The following TMEM174 variants were observed in gnomAD, a reference collection of about 807,000 sequenced individuals.
The protein encoded by TMEM174 is transmembrane protein 174.
In TMEM174, 11 loss-of-function variants were observed where a neutral mutation model predicts 15.1. The ratio of observed to expected loss-of-function variants is 0.73; its 90% CI spans 0.46 to 1.20. The LOEUF is 1.20. Among genes scored for constraint, TMEM174 ranks in the 50% most tolerant of loss-of-function variants. The pLI is 0.00. For synonymous variants in TMEM174, 130 were observed against 121.3 expected, an observed-to-expected ratio of 1.07 and a Z score of -0.47; for missense variants, 321 against 303.6, an observed-to-expected ratio of 1.06 and a Z score of -0.43.
Position 73,175,108 on chromosome 5 carries a change from T to G in TMEM174, c.*943T>G, listed in dbSNP as rs1580258190. On this transcript the variant is annotated 3_prime_UTR_variant, in exon 2 of 2. Transcript: ENST00000296776. ...AACAATCTTTATGACTAAAAGAAAC[T>G]CATCTTCTTCATTAAAAAAACTTTG... 6.6e-6 allele frequency: 1 copy of G among 152,328 alleles called. No homozygotes were observed. The highest frequency in any genetic ancestry group is 1.9e-4 in the East Asian group (1 of 5,310). The allele number at this position is 152,328 out of a possible 1,614,324, so 9.4% of individuals were successfully genotyped here.
rs1032693506 is a variant in TMEM174 at position 73,174,238 on chromosome 5, G to T, written c.*73G>T. 2 of 1,424,946 alleles carry T rather than the reference G, an allele frequency of 1.4e-6. No individual in the cohort carries two copies. The highest frequency in any genetic ancestry group is 3.4e-5 in the Admixed American group (2 of 58,994). 88.3% of individuals were successfully genotyped at this position (1,424,946 alleles called of 1,614,324 possible). A position where few individuals can be genotyped will look rare whatever the true frequency, so the allele number is the denominator to read the frequency against. On this transcript the variant is annotated 3_prime_UTR_variant, in exon 2 of 2. Coordinates refer to ENST00000296776, the MANE Select transcript of TMEM174 (RefSeq NM_153217.3). Reference sequence around the variant, plus strand: ...TTTCCGTCATTGTTACCTGACAACCGTGGTGTTCTATGTTGTAACCTTCAG... The same window carrying T: ...TTTCCGTCATTGTTACCTGACAACCTTGGTGTTCTATGTTGTAACCTTCAG...
At position 73,173,351 on chromosome 5, in the gene TMEM174, G is replaced by T; in HGVS notation, c.108G>T (p.Ala36=). Residue 36 remains alanine, a synonymous_variant, in exon 1 of 2, where the codon GCG becomes GCT. Transcript: ENST00000296776. ...TCCAGGTGTCCGATGATGACAAGGC[G>T]GGGGCCACCTTGCTCTTCTCAGGCA... ...ADIQVSDDDK[A]GATLLFSGIF... 1 of 1,605,240 alleles carries T rather than the reference G, an allele frequency of 6.2e-7. No individual in the cohort carries two copies. Among genetic ancestry groups the T allele is most frequent in the Non-Finnish European group, 8.5e-7 (1 of 1,174,112 alleles).
chr5:73,173,356 C>T lies in TMEM174; in HGVS notation c.113C>T (p.Ala38Val). 1 of 1,606,282 alleles carries T rather than the reference C, an allele frequency of 6.2e-7. No individual in the cohort carries two copies. The highest frequency in any genetic ancestry group is 8.5e-7 in the Non-Finnish European group (1 of 1,174,628). Reference sequence around the variant, plus strand: ...GTGTCCGATGATGACAAGGCGGGGGCCACCTTGCTCTTCTCAGGCATCTTT... The same window carrying T: ...GTGTCCGATGATGACAAGGCGGGGGTCACCTTGCTCTTCTCAGGCATCTTT... ...IQVSDDDKAG[A>V]TLLFSGIFLG... Residue 38 changes from alanine (A) to valine (V), a missense_variant, in exon 1 of 2, where the codon GCC (alanine) becomes GTC (valine). Ala to Val is a moderately conservative substitution (Grantham distance 64, BLOSUM62 0). Coordinates refer to ENST00000296776, the MANE Select transcript of TMEM174 (RefSeq NM_153217.3).
chr5:73,173,358 A>G lies in TMEM174; in HGVS notation c.115A>G (p.Thr39Ala), dbSNP rs1745009478. 6.2e-7 allele frequency: 1 copy of G among 1,608,232 alleles called. No homozygotes were observed. Among genetic ancestry groups the G allele is most frequent in the Non-Finnish European group, 8.5e-7 (1 of 1,175,804 alleles). ...QVSDDDKAGA[T>A]LLFSGIFLGL... ...GTCCGATGATGACAAGGCGGGGGCCACCTTGCTCTTCTCAGGCATCTTTCT... is the reference window on the plus strand; with the variant it reads ...GTCCGATGATGACAAGGCGGGGGCCGCCTTGCTCTTCTCAGGCATCTTTCT... Residue 39 changes from threonine (T) to alanine (A), a missense_variant, in exon 1 of 2, where the codon ACC becomes GCC. By Grantham distance (58) the Thr-to-Ala change is moderately conservative. Transcript: ENST00000296776.
Position 73,174,188 on chromosome 5 carries a change from C to A in TMEM174, c.*23C>A. On this transcript the variant is annotated 3_prime_UTR_variant, in exon 2 of 2. Transcript: ENST00000296776. ...TAGAGGCTATTCTGATATAATAACA[C>A]AATGCTCAGCTCAGGGAGCAAGTGT... is the stretch of plus-strand genomic sequence containing the variant. 6.3e-7 allele frequency: 1 copy of A among 1,598,218 alleles called. No homozygotes were observed. The highest frequency in any genetic ancestry group is 8.6e-7 in the Non-Finnish European group (1 of 1,165,578).
chr5:73,174,148 T>C lies in TMEM174; in HGVS notation c.715T>C (p.Tyr239His). The change falls in exon 2 of 2, where the codon TAC becomes CAC. Residue 239 changes from tyrosine (Y) to histidine (H), a missense_variant. Transcript: ENST00000296776. Reference sequence around the variant, plus strand: ...CTCTCCTCCCCCTTATGAAGAAATATACTCTCTCCCTCGCTAGAGGCTATT... The same window carrying C: ...CTCTCCTCCCCCTTATGAAGAAATACACTCTCTCCCTCGCTAGAGGCTATT... ...CFSPPPYEEI[Y>H]SLPR The C allele has an allele frequency of 6.2e-7, 1 of 1,614,078 alleles. No individual in the cohort carries two copies. The highest frequency in any genetic ancestry group is 8.5e-7 in the Non-Finnish European group (1 of 1,179,938).
chr5:73,173,223 A>G lies in TMEM174; in HGVS notation c.-21A>G, dbSNP rs1476332732. On this transcript the variant is annotated 5_prime_UTR_variant, in exon 1 of 2. Transcript: ENST00000296776. The stretch of plus-strand genomic sequence containing the variant: ...CACAATCCTCTCCACTCTAAGAAGC[A>G]GGGTGAGCCCACAAGGAGCAATGGA... 1 of 1,517,452 alleles carries G rather than the reference A, an allele frequency of 6.6e-7. No individual in the cohort carries two copies. Among genetic ancestry groups the G allele is most frequent in the Non-Finnish European group, 8.8e-7 (1 of 1,134,530 alleles). 94.0% of individuals were successfully genotyped at this position (1,517,452 alleles called of 1,614,324 possible).
Position 73,173,866 on chromosome 5 carries a change from A to C in TMEM174, c.623A>C (p.His208Pro), listed in dbSNP as rs753010919. The change falls in exon 1 of 2, where the codon CAC becomes CCC. Residue 208 changes from histidine (H) to proline (P), a missense_variant. Physicochemically the swap from His to Pro is moderately conservative, Grantham distance 77 (BLOSUM62 -2). Transcript: ENST00000296776. ...CTTTCTTTCACGGACGGTGGAAATC[A>C]CAGGTATGGCGTGTCTACTGGGGGA... ...GCLSFTDGGN[H>P]RPNPDVDQLE... The C allele has an allele frequency of 6.2e-7, 1 of 1,611,138 alleles. No individual in the cohort carries two copies. The highest frequency in any genetic ancestry group is 8.5e-7 in the Non-Finnish European group (1 of 1,178,024).
rs1408378353 is a variant in TMEM174 at position 73,173,631 on chromosome 5, A to T, written c.388A>T (p.Thr130Ser). The change falls in exon 1 of 2, where the codon ACC (threonine) becomes TCC (serine). Residue 130 changes from threonine (T) to serine (S), a missense_variant. Transcript: ENST00000296776. ...FVFTGINQPI[T>S]FHGATVVQYI... ...TTTCACTGGCATCAACCAACCCATCACCTTCCATGGGGCCACTGTGGTGCA... is the reference window on the plus strand; with the variant it reads ...TTTCACTGGCATCAACCAACCCATCTCCTTCCATGGGGCCACTGTGGTGCA... The T allele has an allele frequency of 6.2e-7, 1 of 1,613,996 alleles. No individual in the cohort carries two copies. Among genetic ancestry groups the T allele is most frequent in the Non-Finnish European group, 8.5e-7 (1 of 1,180,002 alleles).
In TMEM174 at chr5:73,174,528, C is replaced by T. The variant is rs746869066; in HGVS notation, c.*363C>T. On this transcript the variant is annotated 3_prime_UTR_variant, in exon 2 of 2. Transcript: ENST00000296776. ...ACCCCAGCAGCCAATGGAAAAATCA[C>T]GACTTCTGAGACTTTGGGAGTTTCC... The T allele has an allele frequency of 3.3e-5, 6 of 179,136 alleles. No homozygotes were observed. The highest frequency in any genetic ancestry group is 1.4e-4 in the South Asian group (1 of 7,036). The allele number at this position is 179,136 out of a possible 1,614,324, so 11.1% of individuals were successfully genotyped here. A position where few individuals can be genotyped will look rare whatever the true frequency, so the allele number is the denominator to read the frequency against.
At position 73,173,729 on chromosome 5, in the gene TMEM174, C is replaced by A; in HGVS notation, c.486C>A (p.Ser162Arg). The A allele has an allele frequency of 6.2e-7, 1 of 1,614,186 alleles. No individual in the cohort carries two copies. Among genetic ancestry groups the A allele is most frequent in the South Asian group, 1.1e-5 (1 of 91,084 alleles). The change falls in exon 1 of 2, where the codon AGC becomes AGA. Residue 162 changes from serine to arginine, a missense_variant. Coordinates refer to ENST00000296776, the MANE Select transcript of TMEM174 (RefSeq NM_153217.3). ...CCAGCTACCTGCAGTCTGTGGTGAG[C>A]CCCTGCGGCCTCATAACCTCTGGAG... ...INTSYLQSVV[S>R]PCGLITSGGA...
chr5:73,174,164 A>G lies in TMEM174; in HGVS notation c.731A>G (p.Ter244TrpextTer4), dbSNP rs770839688. Residue 244 changes from the stop codon to tryptophan (W), a stop_lost, in exon 2 of 2, where the codon TAG (stop) becomes TGG (tryptophan). Coordinates refer to ENST00000296776, the MANE Select transcript of TMEM174 (RefSeq NM_153217.3). The part of the protein sequence containing the change: ...PYEEIYSLPR[*>W] ...GAAGAAATATACTCTCTCCCTCGCT[A>G]GAGGCTATTCTGATATAATAACACA... 13 of 1,611,900 alleles carry G rather than the reference A, an allele frequency of 8.1e-6. No individual in the cohort carries two copies. The East Asian group carries it at 2.2e-4, about 28-fold the overall frequency.
At position 73,175,054 on chromosome 5, in the gene TMEM174, T is replaced by C. The variant is rs1745046077; in HGVS notation, c.*889T>C. On this transcript the variant is annotated 3_prime_UTR_variant, in exon 2 of 2. Transcript: ENST00000296776. ...GGAGCAAGACAGAGCAGAGTTGCCA[T>C]GTCAACACATGGGGAATGATATGAT... is the stretch of plus-strand genomic sequence containing the variant. The C allele has an allele frequency of 6.6e-6, 1 of 152,328 alleles. No homozygotes were observed. Among genetic ancestry groups the C allele is most frequent in the Non-Finnish European group, 1.5e-5 (1 of 68,038 alleles). 9.4% of individuals were successfully genotyped at this position (152,328 alleles called of 1,614,324 possible). A position where few individuals can be genotyped will look rare whatever the true frequency, so the allele number is the denominator to read the frequency against.
At chr5:73,173,978 C>A in intron 1 of TMEM174, 82 bp from the exon 2 acceptor site, 2 of 1,603,988 alleles carry the variant, frequency 1.2e-6, no homozygotes, top group Non-Finnish European at 8.5e-7. Flanking sequence ...CTCTTCTTAG[C>A]CTGTTGCCCA....
chr5:73,173,784 C>G lies in TMEM174; in HGVS notation c.541C>G (p.Gln181Glu). Residue 181 changes from glutamine (Q) to glutamate (E), a missense_variant, in exon 1 of 2, where the codon CAA becomes GAA. Transcript: ENST00000296776. ...GAAAAMSSPP[Q>E]YYTIYPQDNS... ...AGCAGCCGCCATGTCAAGTCCTCCTCAATACTACACCATCTACCCTCAAGA... is the reference window on the plus strand; with the variant it reads ...AGCAGCCGCCATGTCAAGTCCTCCTGAATACTACACCATCTACCCTCAAGA... 1 of 1,614,152 alleles carries G rather than the reference C, an allele frequency of 6.2e-7. No homozygotes were observed. The highest frequency in any genetic ancestry group is 1.3e-5 in the African/African-American group (1 of 75,020).
At position 73,173,205 on chromosome 5, in the gene TMEM174, C is replaced by G; in HGVS notation, c.-39C>G. On this transcript the variant is annotated 5_prime_UTR_variant, in exon 1 of 2. Coordinates refer to ENST00000296776, the MANE Select transcript of TMEM174 (RefSeq NM_153217.3). ...CTGTGATTCCTTGGTTCTCACAATC[C>G]TCTCCACTCTAAGAAGCAGGGTGAG... is the stretch of plus-strand genomic sequence containing the variant. 2 of 1,515,222 alleles carry G rather than the reference C, an allele frequency of 1.3e-6. No homozygotes were observed. Among genetic ancestry groups the G allele is most frequent in the African/African-American group, 2.8e-5 (2 of 71,756 alleles). 93.9% of individuals were successfully genotyped at this position (1,515,222 alleles called of 1,614,324 possible). A position where few individuals can be genotyped will look rare whatever the true frequency, so the allele number is the denominator to read the frequency against.
In TMEM174 at chr5:73,173,576, G is replaced by A. The variant is rs148188850; in HGVS notation, c.333G>A (p.Ser111=). 1.7e-4 allele frequency: 270 copies of A among 1,614,204 alleles called. No individual in the cohort carries two copies. The highest frequency in any genetic ancestry group is 5.5e-4 in the African/African-American group (41 of 75,046). ...AAAGTGAGGAAAGGGTCCCGGACTCGGAACAGACACCAGGAGGACCATCAT... is the reference window on the plus strand; with the variant it reads ...AAAGTGAGGAAAGGGTCCCGGACTCAGAACAGACACCAGGAGGACCATCAT... ...CKESEERVPD[S]EQTPGGPSFV... Residue 111 remains serine (S), a synonymous_variant, in exon 1 of 2, where the codon TCG becomes TCA. Transcript: ENST00000296776.
chr5:73,174,015 G>A (rs1561179424), intron 1 of TMEM174, 45 bp from the exon 2 acceptor site: 1 of 1,611,376 alleles, frequency 6.2e-7, no homozygotes, highest in Non-Finnish European at 8.5e-7. Flanking sequence ...TCTGTGAATG[G>A]TGCTTTGGAC....
chr5:73,173,400 A>C lies in TMEM174; in HGVS notation c.157A>C (p.Thr53Pro). Residue 53 changes from threonine (T) to proline (P), a missense_variant, in exon 1 of 2, where the codon ACA becomes CCA. Physicochemically the swap from Thr to Pro is conservative, Grantham distance 38. Coordinates refer to ENST00000296776, the MANE Select transcript of TMEM174 (RefSeq NM_153217.3). ...SGIFLGLVGI[T>P]FTVMGWIKYQ... Reference sequence around the variant, plus strand: ...CATCTTTCTGGGACTGGTGGGGATCACATTCACTGTCATGGGCTGGATCAA... The same window carrying C: ...CATCTTTCTGGGACTGGTGGGGATCCCATTCACTGTCATGGGCTGGATCAA... 1 of 1,613,184 alleles carries C rather than the reference A, an allele frequency of 6.2e-7. No individual in the cohort carries two copies. Among genetic ancestry groups the C allele is most frequent in the East Asian group, 2.2e-5 (1 of 44,856 alleles).
Sources: gnomAD v4.1 joint callset for allele counts on GRCh38, gnomAD v4.1.1 for gene constraint, MANE v1.5 for transcripts, NCBI Gene and HGNC (gene_info 2026-07-23, HGNC 2026-07-21) for gene names.